Variants in BNC2 observed in about 807,000 individuals in gnomAD.
The protein encoded by BNC2 is zinc finger protein basonuclin-2.
A neutral mutation model predicts 76.3 loss-of-function variants in BNC2; 20 were observed. The observed-to-expected ratio is 0.26, with a 90% CI of 0.18 to 0.38. The LOEUF is 0.38. BNC2 is among the 10% of genes least tolerant of loss of function. The pLI is 1.00. For missense variants in BNC2, 1,382 were observed against 1,399.8 expected, an observed-to-expected ratio of 0.99 and a Z score of 0.20; for synonymous variants, 582 against 514.8, an observed-to-expected ratio of 1.13 and a Z score of -1.77.
At chr9:16,666,768 C>G (rs1156418554) in intron 3 of BNC2, among the ~76,000 whole-genome samples, 1 of 152,142 alleles carries the variant, frequency 6.6e-6, no homozygotes, top group Non-Finnish European at 1.5e-5. Flanking sequence ...CTATACAAAG[C>G]CAGATGCACA....
intron 5 of BNC2, among the ~76,000 whole-genome samples, chr9:16,527,264 A>G (rs1817833995): frequency 6.6e-6 from 1 of 152,218 alleles, no homozygotes; most frequent in Non-Finnish European, 1.5e-5. Context: ...TAGTTTGCAA[A>G]CATCAGAGGA....
intron 3 of BNC2, among the ~76,000 whole-genome samples, chr9:16,633,540 T>C (rs1821228904): frequency 6.6e-6 from 1 of 152,248 alleles, no homozygotes; most frequent in African/African-American, 2.4e-5. Context: ...GGTAGTGCGG[T>C]AGCTCTACTT....
intron 1 of BNC2, among the ~76,000 whole-genome samples, chr9:16,830,071 C>G (rs1233578511): frequency 6.6e-6 from 1 of 152,180 alleles, no homozygotes; most frequent in East Asian, 1.9e-4. Flanking sequence ...CCTAGAAGGT[C>G]TGTAAAGAAA....
chr9:16,454,667 C>G (rs998123373), intron 5 of BNC2, among the ~76,000 whole-genome samples: 35 of 152,286 alleles, frequency 2.3e-4, no homozygotes, highest in African/African-American at 6.5e-4. Context: ...CTTGTTACTT[C>G]TGTAAACTCA....
In BNC2 at chr9:16,758,404, A is replaced by C. The variant is rs528312450; in HGVS notation, c.4-19919T>G. 2.6e-5 allele frequency among the ~76,000 whole-genome samples: 4 copies of C among 151,898 alleles called. No individual in the cohort carries two copies. In the South Asian group the frequency reaches 8.3e-4, roughly 32 times the overall value. ...GCCCAGGCTGGAGTGCAGTGGTGCCATCTTGACTCACTGCAACCTCTGCCT... is the reference window on the plus strand; with the variant it reads ...GCCCAGGCTGGAGTGCAGTGGTGCCCTCTTGACTCACTGCAACCTCTGCCT... On this transcript the variant is annotated intron_variant, in intron 1 of 6. Coordinates refer to ENST00000380672, the MANE Select transcript of BNC2 (RefSeq NM_017637.6).
rs147305306 is a variant in BNC2, at chr9:16,789,471, C to T, written c.4-50986G>A. On this transcript the variant is annotated intron_variant, in intron 1 of 6. Coordinates refer to ENST00000380672, the MANE Select transcript of BNC2 (RefSeq NM_017637.6). ...TCTGGCCCATATCTTACCCTACACA[C>T]TTCAACAACACTCAACTTTTTAAAA... is the stretch of plus-strand genomic sequence containing the variant. Among the ~76,000 whole-genome samples, 39 of 152,304 alleles carry T rather than the reference C, an allele frequency of 2.6e-4. No homozygotes were observed. In the East Asian group the frequency reaches 7.5e-3, roughly 29 times the overall value.
chr9:16,676,439 T>C (rs566584501), intron 3 of BNC2, among the ~76,000 whole-genome samples: 5 of 152,382 alleles, frequency 3.3e-5, no homozygotes, highest in African/African-American at 1.2e-4. Flanking sequence ...GAAGCTGCTA[T>C]GGCTTAGGAA....
intron 3 of BNC2, among the ~76,000 whole-genome samples, chr9:16,640,368 T>C (rs1464655570): frequency 6.6e-6 from 1 of 152,176 alleles, no homozygotes; most frequent in Non-Finnish European, 1.5e-5. Context: ...TAAATACAAA[T>C]ACATGAGAGT....
intron 1 of BNC2, among the ~76,000 whole-genome samples, chr9:16,861,541 T>C (rs1819411023): frequency 6.6e-6 from 1 of 152,132 alleles, no homozygotes; most frequent in South Asian, 2.1e-4. Flanking sequence ...CCAGAAAAGA[T>C]ACACAAATGG....
At chr9:16,489,295 C>A (rs1369454031) in intron 5 of BNC2, among the ~76,000 whole-genome samples, 1 of 152,134 alleles carries the variant, frequency 6.6e-6, no homozygotes, top group Admixed American at 6.6e-5. Context: ...TGTGGCTATG[C>A]AACTAAGGAA....
intron 5 of BNC2, among the ~76,000 whole-genome samples, chr9:16,476,561 T>C (rs79976399): frequency 8.0e-6 from 1 of 125,144 alleles, no homozygotes; most frequent in African/African-American, 3.4e-5. Context: ...GTGTGTGTTG[T>C]TTTTTTTAAA....
intron 1 of BNC2, among the ~76,000 whole-genome samples, chr9:16,807,556 G>A (rs1364680059): frequency 6.6e-6 from 1 of 152,152 alleles, no homozygotes; most frequent in Non-Finnish European, 1.5e-5. Context: ...AGGAGGTGGA[G>A]GGAGGGGAGG....
Position 16,545,114 on chromosome 9 carries a change from A to C in BNC2, c.669+7416T>G, listed in dbSNP as rs1344440660. ...CTGCCTCTTATTTATATCCAAGTAC[A>C]TTCATATGTACATACATATATACGT... is the stretch of plus-strand genomic sequence containing the variant. On this transcript the variant is annotated intron_variant, in intron 5 of 6. Transcript: ENST00000380672. 2.0e-5 allele frequency among the ~76,000 whole-genome samples: 3 copies of C among 152,154 alleles called. No homozygotes were observed. The South Asian group carries it at 6.2e-4, about 31-fold the overall frequency.
chr9:16,868,921 A>C (rs1819609105), intron 1 of BNC2, among the ~76,000 whole-genome samples: 1 of 152,226 alleles, frequency 6.6e-6, no homozygotes, highest in African/African-American at 2.4e-5. Flanking sequence ...CTCCCATTTA[A>C]AGCATGTATG....
At chr9:16,779,629 A>C (rs1377680691) in intron 1 of BNC2, among the ~76,000 whole-genome samples, 3 of 152,196 alleles carry the variant, frequency 2.0e-5, no homozygotes, top group African/African-American at 7.2e-5. Context: ...ACTGTGACCT[A>C]TCCATACAAT....
At chr9:16,708,328 T>C (rs540808068) in intron 3 of BNC2, among the ~76,000 whole-genome samples, 6 of 152,266 alleles carry the variant, frequency 3.9e-5, no homozygotes, top group East Asian at 1.9e-4. Flanking sequence ...GAAAGCAAAA[T>C]AGGTGAAAGT....
At chr9:16,758,785 TA>T (rs1825468968) in intron 1 of BNC2, among the ~76,000 whole-genome samples, 1 of 152,212 alleles carries the variant, frequency 6.6e-6, no homozygotes, top group Non-Finnish European at 1.5e-5. Context: ...ATCTGGTATT[TA>T]AAAATCTGCC....
At chr9:16,464,144 G>C (rs961963999) in intron 5 of BNC2, among the ~76,000 whole-genome samples, 1 of 150,688 alleles carries the variant, frequency 6.6e-6, no homozygotes, top group Admixed American at 6.6e-5. Context: ...GATTTAAAAT[G>C]GGAGGAGCTA....
intron 5 of BNC2, among the ~76,000 whole-genome samples, chr9:16,548,138 C>T (rs1255521133): frequency 3.9e-5 from 6 of 152,272 alleles, no homozygotes; most frequent in African/African-American, 1.4e-4. Context: ...CAGGACCCAC[C>T]TGCAAATGAG....
Sources: allele counts gnomAD v4.1 joint callset (sites outside exome capture counted in the v4.1 genomes callset), GRCh38; gene constraint gnomAD v4.1.1; transcripts MANE v1.5; gene names NCBI Gene and HGNC (gene_info 2026-07-23, HGNC 2026-07-21).